Variants in ADAMTSL1 observed in about 807,000 individuals in gnomAD.
The protein encoded by ADAMTSL1 is ADAMTS-like protein 1.
ADAMTSL1 carries 126 observed loss-of-function variants against 201.8 expected under a neutral mutation model. The observed-to-expected ratio is 0.62, with a 90% CI of 0.54 to 0.72. The LOEUF (loss-of-function observed/expected upper bound fraction) is 0.72, where lower values mean the gene tolerates loss of function less well. ADAMTSL1 is among the 30% of genes least tolerant of loss of function. The probability of loss-of-function intolerance (pLI) is 0.00; values close to 1 mark genes in which losing one functional copy is unlikely to be tolerated. For missense variants in ADAMTSL1, 2,679 were observed against 2,277.8 expected, an observed-to-expected ratio of 1.18 and a Z score of -3.59; for synonymous variants, 1,121 against 903.4, an observed-to-expected ratio of 1.24 and a Z score of -4.32.
intron 4 of ADAMTSL1, among the ~76,000 whole-genome samples, chr9:18,620,966 G>C: frequency 6.6e-6 from 1 of 152,102 alleles, no homozygotes; most frequent in East Asian, 1.9e-4. Context: ...ATCTAAACAT[G>C]TGTTTGCAAT....
intron 2 of ADAMTSL1, among the ~76,000 whole-genome samples, chr9:18,515,284 T>C (rs77611967): frequency 0.013 from 1,987 of 152,296 alleles, 42 homozygotes; most frequent in African/African-American, 0.045. Context: ...GGTTTATCTC[T>C]AGCTCCCTGA....
At chr9:18,309,477 C>G (rs1318615868) in intron 2 of ADAMTSL1, among the ~76,000 whole-genome samples, 5 of 152,146 alleles carry the variant, frequency 3.3e-5, no homozygotes, top group Non-Finnish European at 7.4e-5. Context: ...TGATAAGCAA[C>G]TTCAGCAAAG....
upstream of ADAMTSL1, among the ~76,000 whole-genome samples, chr9:18,472,577 A>G (rs1353212803): frequency 6.6e-6 from 1 of 152,222 alleles, no homozygotes; most frequent in African/African-American, 2.4e-5. Context: ...TAGGTAACCT[A>G]AAGTTGAACA....
At chr9:17,957,971 T>C (rs1012801805) in intron 1 of ADAMTSL1, among the ~76,000 whole-genome samples, 4 of 152,168 alleles carry the variant, frequency 2.6e-5, no homozygotes, top group African/African-American at 9.7e-5. Context: ...AAGTTTTTGT[T>C]GTTTGAAGCC....
intron 4 of ADAMTSL1, among the ~76,000 whole-genome samples, chr9:18,608,322 G>A (rs1825158657): frequency 1.3e-5 from 2 of 152,126 alleles, no homozygotes; most frequent in Non-Finnish European, 2.9e-5. Flanking sequence ...GTTACTACAC[G>A]ATTTAATTTC....
intron 2 of ADAMTSL1, among the ~76,000 whole-genome samples, chr9:18,458,373 A>G (rs539706003): frequency 4.1e-4 from 62 of 152,306 alleles, no homozygotes; most frequent in African/African-American, 1.4e-3. Context: ...ACTCTGAACT[A>G]TTTTTTATAC....
At chr9:18,038,623 A>G (rs1395966539) in intron 1 of ADAMTSL1, among the ~76,000 whole-genome samples, 1 of 152,224 alleles carries the variant, frequency 6.6e-6, no homozygotes, top group Non-Finnish European at 1.5e-5. Context: ...GAAATCAGCT[A>G]GATGAACTAG....
intron 1 of ADAMTSL1, among the ~76,000 whole-genome samples, chr9:18,025,050 C>T (rs996424112): frequency 4.6e-5 from 7 of 151,928 alleles, no homozygotes; most frequent in Non-Finnish European, 8.8e-5. Context: ...ATTTTTTTGG[C>T]CACCTGTATG....
intron 1 of ADAMTSL1, among the ~76,000 whole-genome samples, chr9:18,081,795 C>T (rs1823509465): frequency 6.6e-6 from 1 of 152,040 alleles, no homozygotes; most frequent in African/African-American, 2.4e-5. Context: ...GATTATTAAA[C>T]AAGAATATGT....
At chr9:18,094,734 T>G (rs909811654) in intron 1 of ADAMTSL1, among the ~76,000 whole-genome samples, 7 of 151,948 alleles carry the variant, frequency 4.6e-5, no homozygotes, top group Non-Finnish European at 7.4e-5. Flanking sequence ...CTAATTTTTT[T>G]TTTTTGTATT....
At chr9:18,714,005 T>A (rs1220770610) in intron 14 of ADAMTSL1, among the ~76,000 whole-genome samples, 19 of 150,116 alleles carry the variant, frequency 1.3e-4, no homozygotes, top group African/African-American at 4.6e-4. Flanking sequence ...GACTACTGGG[T>A]ACATAACGAA....
At chr9:18,700,986 A>C (rs956351280) in intron 13 of ADAMTSL1, among the ~76,000 whole-genome samples, 1 of 152,226 alleles carries the variant, frequency 6.6e-6, no homozygotes, top group African/African-American at 2.4e-5. Context: ...TGCCCAAATG[A>C]ATTTACAAAT....
chr9:18,047,347 A>T (rs1302294135), intron 1 of ADAMTSL1, among the ~76,000 whole-genome samples: 1 of 152,172 alleles, frequency 6.6e-6, no homozygotes, highest in Non-Finnish European at 1.5e-5. Context: ...GGTTGTCACA[A>T]CTTGGTGGGG....
chr9:18,620,017 T>TA (rs34558329), intron 4 of ADAMTSL1, among the ~76,000 whole-genome samples: 21,598 of 72,644 alleles, frequency 0.3, 1,815 homozygotes, highest in East Asian at 0.47. Flanking sequence ...GTTTTCTGAT[T>TA]TTTTTTTTTT....
chr9:18,414,866 A>G (rs1818603921), intron 2 of ADAMTSL1, among the ~76,000 whole-genome samples: 2 of 152,248 alleles, frequency 1.3e-5, no homozygotes, highest in African/African-American at 4.8e-5. Context: ...AGGATTAGAG[A>G]GAGGAATACC....
intron 1 of ADAMTSL1, among the ~76,000 whole-genome samples, chr9:17,964,155 AAAAT>A (rs1322637773): frequency 1.4e-4 from 22 of 152,320 alleles, no homozygotes; most frequent in African/African-American, 5.3e-4. Flanking sequence ...TATACATAGA[AAAAT>A]AAATCCTTCT....
chr9:18,793,859 C>A (rs7041507), intron 19 of ADAMTSL1, among the ~76,000 whole-genome samples: 2,266 of 152,206 alleles, frequency 0.015, 54 homozygotes, highest in African/African-American at 0.052. Context: ...ACTAAGTCAC[C>A]AAGACATCAG....
intron 23 of ADAMTSL1, among the ~76,000 whole-genome samples, chr9:18,849,355 G>C (rs1826337560): frequency 1.3e-5 from 2 of 152,154 alleles, no homozygotes; most frequent in South Asian, 4.1e-4. Flanking sequence ...GTACAGCCTG[G>C]ATCGGGCACT....
At chr9:18,207,669 C>T (rs750928157) in intron 2 of ADAMTSL1, among the ~76,000 whole-genome samples, 4 of 152,068 alleles carry the variant, frequency 2.6e-5, no homozygotes, top group Non-Finnish European at 5.9e-5. Flanking sequence ...TTGTAACATG[C>T]GGTTCATATG....
Sources: gnomAD v4.1 joint callset for allele counts (sites outside exome capture counted in the v4.1 genomes callset) on GRCh38, gnomAD v4.1.1 for gene constraint, MANE v1.5 for transcripts, NCBI Gene and HGNC (gene_info 2026-07-23, HGNC 2026-07-21) for gene names.